The following ST6GALNAC3 variants were observed in gnomAD, a reference collection of about 807,000 sequenced individuals.
The protein encoded by ST6GALNAC3 is ST6 N-acetylgalactosaminide alpha-2,6-sialyltransferase 3, also known as alpha-N-acetylgalactosaminide alpha-2,6-sialyltransferase 3.
Under a neutral mutation model 32.7 loss-of-function variants are expected in ST6GALNAC3, and 25 were observed. The ratio of observed to expected loss-of-function variants is 0.76; its 90% confidence interval spans 0.56 to 1.07. ST6GALNAC3 has a LOEUF of 1.07. Ranked by LOEUF, ST6GALNAC3 falls within the 50% of genes least tolerant of loss-of-function variation. The probability of loss-of-function intolerance (pLI) is 0.00; values close to 1 mark genes in which losing one functional copy is unlikely to be tolerated. For missense variants in ST6GALNAC3, 355 were observed against 382.4 expected (o/e 0.93, Z 0.60); for synonymous variants, 129 against 133.1 (o/e 0.97, Z 0.21).
chr1:76,386,571 G>A (rs1349949360), intron 2 of ST6GALNAC3, among the ~76,000 whole-genome samples: 1 of 152,138 alleles, frequency 6.6e-6, no homozygotes, highest in African/African-American at 2.4e-5. Context: ...AACCCTGAGA[G>A]CTTGGACAGG....
chr1:76,247,600 C>T (rs576488751), intron 1 of ST6GALNAC3, among the ~76,000 whole-genome samples: 1 of 152,300 alleles, frequency 6.6e-6, no homozygotes, highest in South Asian at 2.1e-4. Flanking sequence ...CAGTCCAAAC[C>T]TTCCAGTGCC....
chr1:76,195,828 C>G (rs1654171932), intron 1 of ST6GALNAC3, among the ~76,000 whole-genome samples: 1 of 152,154 alleles, frequency 6.6e-6, no homozygotes, highest in African/African-American at 2.4e-5. Flanking sequence ...AAGTCAGGAA[C>G]AAGCATGGGC....
intron 3 of ST6GALNAC3, among the ~76,000 whole-genome samples, chr1:76,450,345 AAT>A (rs1295581167): frequency 6.6e-6 from 1 of 152,024 alleles, no homozygotes; most frequent in African/African-American, 2.4e-5. Flanking sequence ...GATTTTTTAA[AAT>A]ATGTTTGATG....
chr1:76,083,896 T>TA (rs1452743488), intron 1 of ST6GALNAC3, among the ~76,000 whole-genome samples: 1 of 152,234 alleles, frequency 6.6e-6, no homozygotes, highest in Non-Finnish European at 1.5e-5. Context: ...TAATTTAAAG[T>TA]AAAAAAGTAG....
At chr1:76,327,427 C>G (rs1647098673) in intron 2 of ST6GALNAC3, among the ~76,000 whole-genome samples, 1 of 152,012 alleles carries the variant, frequency 6.6e-6, no homozygotes, top group Non-Finnish European at 1.5e-5. Flanking sequence ...AGTTTGACTC[C>G]AAAGGCGATC....
chr1:76,431,239 T>C (rs958434853), intron 3 of ST6GALNAC3, among the ~76,000 whole-genome samples: 1 of 152,202 alleles, frequency 6.6e-6, no homozygotes, highest in Non-Finnish European at 1.5e-5. Flanking sequence ...ACACTGGGTA[T>C]GCTTGCCTCA....
At chr1:76,582,845 C>G (rs1646910421) in intron 3 of ST6GALNAC3, among the ~76,000 whole-genome samples, 1 of 152,116 alleles carries the variant, frequency 6.6e-6, no homozygotes, top group African/African-American at 2.4e-5. Context: ...GTTGCTTTGA[C>G]TCTTTCCTAT....
chr1:76,320,908 A>T (rs1348457953), intron 2 of ST6GALNAC3, among the ~76,000 whole-genome samples: 3 of 152,056 alleles, frequency 2.0e-5, no homozygotes, highest in African/African-American at 7.2e-5. Flanking sequence ...ATACTATGTT[A>T]TACATTAAAA....
intron 2 of ST6GALNAC3, among the ~76,000 whole-genome samples, chr1:76,322,685 T>C (rs1646990578): frequency 6.6e-6 from 1 of 152,200 alleles, no homozygotes; most frequent in Non-Finnish European, 1.5e-5. Flanking sequence ...AAGATAGCCA[T>C]TACAGAATAT....
intron 3 of ST6GALNAC3, among the ~76,000 whole-genome samples, chr1:76,568,000 G>A (rs1364632437): frequency 2.0e-5 from 3 of 152,170 alleles, no homozygotes; most frequent in Non-Finnish European, 4.4e-5. Flanking sequence ...CTTATGACAT[G>A]AGAGAAGAGG....
chr1:76,237,536 C>T (rs1656727465), intron 1 of ST6GALNAC3, among the ~76,000 whole-genome samples: 1 of 152,118 alleles, frequency 6.6e-6, no homozygotes, highest in Non-Finnish European at 1.5e-5. Flanking sequence ...TATATCAAGC[C>T]ATGCCTGATT....
chr1:76,285,995 G>A (rs961964059), intron 1 of ST6GALNAC3, among the ~76,000 whole-genome samples: 5 of 152,066 alleles, frequency 3.3e-5, no homozygotes, highest in African/African-American at 7.2e-5. Context: ...GGAGACACAG[G>A]AAAGACATGC....
intron 2 of ST6GALNAC3, among the ~76,000 whole-genome samples, chr1:76,367,986 C>T (rs1328798175): frequency 6.6e-6 from 1 of 152,196 alleles, no homozygotes; most frequent in Non-Finnish European, 1.5e-5. Context: ...TGTGGTCTCA[C>T]TACTTTGCTT....
chr1:76,094,849 C>T (rs570067260), intron 1 of ST6GALNAC3, among the ~76,000 whole-genome samples: 407 of 152,236 alleles, frequency 2.7e-3, no homozygotes, highest in Non-Finnish European at 3.5e-3. Flanking sequence ...CCTGCTCTTT[C>T]TATCTCTGAA....
chr1:76,211,604 C>G (rs1297536012), intron 1 of ST6GALNAC3, among the ~76,000 whole-genome samples: 1 of 70,104 alleles, frequency 1.4e-5, no homozygotes, highest in African/African-American at 3.1e-5. Context: ...TACTATGCAG[C>G]CATAAAAATG....
intron 1 of ST6GALNAC3, among the ~76,000 whole-genome samples, chr1:76,256,313 A>C (rs995435789): frequency 1.3e-4 from 20 of 152,152 alleles, no homozygotes; most frequent in African/African-American, 4.8e-4. Context: ...TTCACTTTTC[A>C]ACATTGCTTA....
intron 2 of ST6GALNAC3, among the ~76,000 whole-genome samples, chr1:76,391,588 A>G (rs77825390): frequency 1.5e-5 from 1 of 67,692 alleles, no homozygotes; most frequent in Non-Finnish European, 2.9e-5. Context: ...CTTCCCTTTC[A>G]CCTTCCCCTT....
At chr1:76,365,208 G>T (rs1650275120) in intron 2 of ST6GALNAC3, among the ~76,000 whole-genome samples, 1 of 152,176 alleles carries the variant, frequency 6.6e-6, no homozygotes, top group Admixed American at 6.5e-5. Flanking sequence ...ATTATCCTAA[G>T]TGAAATAGTT....
chr1:76,348,103 A>G (rs917745881), intron 2 of ST6GALNAC3, among the ~76,000 whole-genome samples: 2 of 152,188 alleles, frequency 1.3e-5, no homozygotes, highest in Non-Finnish European at 2.9e-5. Context: ...AGTGTTTACC[A>G]TGAAAGGTGT....
Sources: allele counts gnomAD v4.1 joint callset (sites outside exome capture counted in the v4.1 genomes callset), GRCh38; gene constraint gnomAD v4.1.1; transcripts MANE v1.5; gene names NCBI Gene and HGNC (gene_info 2026-07-23, HGNC 2026-07-21).